The following LHFPL3 variants were observed in gnomAD, a reference collection of about 807,000 sequenced individuals.
LHFPL3 encodes LHFPL tetraspan subfamily member 3.
Under a neutral mutation model 19.3 loss-of-function variants are expected in LHFPL3, and 5 were observed. The observed-to-expected ratio is 0.26, with a 90% CI of 0.14 to 0.54. The LOEUF (loss-of-function observed/expected upper bound fraction) is 0.54. LHFPL3 is among the 20% of genes least tolerant of loss of function. The probability of loss-of-function intolerance (pLI) is 0.94; values close to 1 mark genes in which losing one functional copy is unlikely to be tolerated. For synonymous variants in LHFPL3, 133 were observed against 126.2 expected, an observed-to-expected ratio of 1.05 and a Z score of -0.36; for missense variants, 249 against 307.4, an observed-to-expected ratio of 0.81 and a Z score of 1.42.
intron 2 of LHFPL3, chr7:104,894,910 A>C (rs1269645469): frequency 1.3e-5 from 2 of 152,188 alleles, no homozygotes; most frequent in African/African-American, 4.8e-5. Context: ...GGCTGCTTCC[A>C]AAGTCCAGGT....
At chr7:104,530,620 C>T (rs975232809) in intron 1 of LHFPL3, among the ~76,000 whole-genome samples, 2 of 152,158 alleles carry the variant, frequency 1.3e-5, no homozygotes, top group South Asian at 2.1e-4. Flanking sequence ...AACCATAGTT[C>T]GTTAAATTTA....
At chr7:104,508,538 A>G (rs891791315) in intron 1 of LHFPL3, among the ~76,000 whole-genome samples, 8 of 151,464 alleles carry the variant, frequency 5.3e-5, no homozygotes, top group Non-Finnish European at 5.9e-5. Context: ...GCAGCACACC[A>G]GCACGGCACA....
intron 2 of LHFPL3, among the ~76,000 whole-genome samples, chr7:104,899,789 T>C (rs972695471): frequency 1.3e-5 from 2 of 152,176 alleles, no homozygotes; most frequent in African/African-American, 2.4e-5. Context: ...TGGAGTGCAG[T>C]GGCGTGATCT....
At chr7:104,570,878 C>G (rs938918978) in intron 1 of LHFPL3, among the ~76,000 whole-genome samples, 1 of 152,142 alleles carries the variant, frequency 6.6e-6, no homozygotes, top group Admixed American at 6.5e-5. Context: ...TTATGCTCTC[C>G]TAAATGTAAA....
At chr7:104,440,037 G>A (rs571295655) in intron 1 of LHFPL3, among the ~76,000 whole-genome samples, 1 of 140,470 alleles carries the variant, frequency 7.1e-6, no homozygotes, top group South Asian at 2.3e-4. Context: ...ACAAAGCCTG[G>A]GGGGGGGGAG....
At chr7:104,701,797 C>T (rs971650440) in intron 1 of LHFPL3, among the ~76,000 whole-genome samples, 4 of 152,194 alleles carry the variant, frequency 2.6e-5, no homozygotes, top group Middle Eastern at 3.4e-3. Context: ...TTATTTCAGT[C>T]GAAAAATTTG....
At chr7:104,454,978 C>A (rs1160719634) in intron 1 of LHFPL3, among the ~76,000 whole-genome samples, 3 of 152,116 alleles carry the variant, frequency 2.0e-5, no homozygotes, top group African/African-American at 7.2e-5. Flanking sequence ...TATAGCCTGC[C>A]CCTTCCATCT....
intron 2 of LHFPL3, among the ~76,000 whole-genome samples, chr7:104,776,015 T>C (rs1422422940): frequency 6.6e-6 from 1 of 152,212 alleles, no homozygotes; most frequent in Non-Finnish European, 1.5e-5. Flanking sequence ...ATATCCTATC[T>C]TTGTACTTTC....
At chr7:104,899,554 A>C (rs1022200617) in intron 2 of LHFPL3, among the ~76,000 whole-genome samples, 8 of 152,226 alleles carry the variant, frequency 5.3e-5, no homozygotes, top group Non-Finnish European at 8.8e-5. Context: ...TTTCCCACAC[A>C]GGAAGGAGAG....
At chr7:104,456,500 G>A (rs1476173848) in intron 1 of LHFPL3, among the ~76,000 whole-genome samples, 1 of 152,192 alleles carries the variant, frequency 6.6e-6, no homozygotes, top group Non-Finnish European at 1.5e-5. Flanking sequence ...AATATAAACT[G>A]TGCGTGGATT....
intron 1 of LHFPL3, among the ~76,000 whole-genome samples, chr7:104,463,238 G>T (rs1792711277): frequency 6.6e-6 from 1 of 152,070 alleles, no homozygotes; most frequent in Non-Finnish European, 1.5e-5. Flanking sequence ...ATTTCCCTCA[G>T]TTCAGCTTTG....
chr7:104,520,848 A>G (rs556209745), intron 1 of LHFPL3, among the ~76,000 whole-genome samples: 1 of 144,728 alleles, frequency 6.9e-6, no homozygotes, highest in East Asian at 2.0e-4. Flanking sequence ...TTTTTTCTTT[A>G]TTAGTCTTGC....
chr7:104,365,803 A>AAAAAAAAAAT (rs1562876018), intron 1 of LHFPL3, among the ~76,000 whole-genome samples: 1 of 149,364 alleles, frequency 6.7e-6, no homozygotes, highest in Non-Finnish European at 1.5e-5. Flanking sequence ...AAAAAAAAAA[A>AAAAAAAAAAT]AAGAAAAGCC....
chr7:104,505,185 A>G (rs1793673010), intron 1 of LHFPL3, among the ~76,000 whole-genome samples: 2 of 152,214 alleles, frequency 1.3e-5, no homozygotes, highest in Admixed American at 1.3e-4. Flanking sequence ...AAGGAAATGT[A>G]TATTACTTTT....
intron 1 of LHFPL3, among the ~76,000 whole-genome samples, chr7:104,633,054 C>T (rs1000058630): frequency 9.2e-5 from 14 of 151,996 alleles, no homozygotes; most frequent in African/African-American, 3.4e-4. Context: ...AATTTAAGTA[C>T]AAAGGGTGAT....
At chr7:104,368,227 G>T (rs918613915) in intron 1 of LHFPL3, among the ~76,000 whole-genome samples, 1 of 152,112 alleles carries the variant, frequency 6.6e-6, no homozygotes, top group African/African-American at 2.4e-5. Flanking sequence ...GAACAGTTTG[G>T]GTTTGAATAA....
chr7:104,724,709 A>G (rs1057322526), intron 1 of LHFPL3, among the ~76,000 whole-genome samples: 1 of 152,204 alleles, frequency 6.6e-6, no homozygotes, highest in African/African-American at 2.4e-5. Flanking sequence ...ACCCCATGAC[A>G]TAAGTTTACC....
At chr7:104,901,476 A>G (rs907638658) in intron 2 of LHFPL3, among the ~76,000 whole-genome samples, 1 of 152,150 alleles carries the variant, frequency 6.6e-6, no homozygotes, top group African/African-American at 2.4e-5. Flanking sequence ...CATTCCCAGC[A>G]CGCCTTCTGA....
At chr7:104,604,818 A>G (rs1221302349) in intron 1 of LHFPL3, among the ~76,000 whole-genome samples, 1 of 152,222 alleles carries the variant, frequency 6.6e-6, no homozygotes, top group Non-Finnish European at 1.5e-5. Context: ...CTACTCAATT[A>G]TTCAGCTGTC....
Sources: allele counts gnomAD v4.1 joint callset (sites outside exome capture counted in the v4.1 genomes callset), GRCh38; gene constraint gnomAD v4.1.1; transcripts MANE v1.5; gene names NCBI Gene and HGNC (gene_info 2026-07-23, HGNC 2026-07-21).